ZDHHC2: variants seen among roughly 807,000 people sequenced by gnomAD.
ZDHHC2 encodes the protein zDHHC palmitoyltransferase 2.
A neutral mutation model predicts 55.6 loss-of-function variants in ZDHHC2; 51 were observed. That is an observed-to-expected ratio of 0.92 (90% CI 0.73 to 1.16). ZDHHC2 has a LOEUF of 1.16. ZDHHC2 is among the 50% of genes most tolerant of loss of function. ZDHHC2 has a pLI of 0.00. For missense variants in ZDHHC2, 491 were observed against 442.4 expected (o/e 1.11, Z -0.99); for synonymous variants, 199 against 152.9 (o/e 1.30, Z -2.22).
intron 3 of ZDHHC2, among the ~76,000 whole-genome samples, chr8:17,190,716 A>C (rs1373580052): frequency 6.6e-6 from 1 of 152,114 alleles, no homozygotes; most frequent in South Asian, 2.1e-4. Context: ...TAGTTAAAAA[A>C]AACTTGTGAG....
rs545354499 is a variant in ZDHHC2, at chr8:17,210,715, A to G, written c.950+235A>G. Among the ~76,000 whole-genome samples the G allele has an allele frequency of 8.7e-4, 133 of 152,286 alleles. 1 individual carries two copies. Among genetic ancestry groups the G allele is most frequent in the African/African-American group, 3.1e-3 (127 of 41,558 alleles). On this transcript the variant is annotated intron_variant, in intron 10 of 12. Coordinates refer to ENST00000262096, the MANE Select transcript of ZDHHC2 (RefSeq NM_016353.5). Reference sequence around the variant, plus strand: ...GTGAGTAAAAAGGTGTTAATTGTCTATACATTTTGGTTGACTGAAATATTT... The same window carrying G: ...GTGAGTAAAAAGGTGTTAATTGTCTGTACATTTTGGTTGACTGAAATATTT...
chr8:17,219,009 T>C (rs1276157071), intron 12 of ZDHHC2, among the ~76,000 whole-genome samples: 1 of 151,776 alleles, frequency 6.6e-6, no homozygotes, highest in Non-Finnish European at 1.5e-5. Flanking sequence ...CCCAGCACTT[T>C]GGGAGGCTGA....
At chr8:17,205,126 C>T (rs1300263824) in intron 6 of ZDHHC2, among the ~76,000 whole-genome samples, 4 of 152,144 alleles carry the variant, frequency 2.6e-5, no homozygotes, top group Admixed American at 1.3e-4. Context: ...GCCTTCTGAC[C>T]CAGCTGTCTA....
chr8:17,216,963 TG>T, intron 11 of ZDHHC2, among the ~76,000 whole-genome samples: 1 of 152,108 alleles, frequency 6.6e-6, no homozygotes, highest in East Asian at 1.9e-4. Context: ...TTTAGTGTTT[TG>T]TGTGTGTGGG....
chr8:17,179,568 C>T (rs138283662), intron 1 of ZDHHC2, among the ~76,000 whole-genome samples: 132 of 152,034 alleles, frequency 8.7e-4, no homozygotes, highest in Middle Eastern at 3.4e-3. Flanking sequence ...GCCACCACAC[C>T]CAGCTAAAAA....
intron 4 of ZDHHC2, 56 bp downstream of exon 4, chr8:17,195,680 A>G: frequency 6.2e-7 from 1 of 1,601,182 alleles, no homozygotes; most frequent in Non-Finnish European, 8.5e-7. Context: ...CATTAAGGTG[A>G]CTGTAAGAAA....
chr8:17,190,236 A>G (rs974244004), intron 3 of ZDHHC2, among the ~76,000 whole-genome samples: 2 of 151,834 alleles, frequency 1.3e-5, no homozygotes, highest in Non-Finnish European at 2.9e-5. Context: ...AGCCTGGGCG[A>G]CAGATCGACA....
At chr8:17,207,535 G>A (rs1471301162) in intron 7 of ZDHHC2, among the ~76,000 whole-genome samples, 2 of 152,140 alleles carry the variant, frequency 1.3e-5, no homozygotes, top group African/African-American at 2.4e-5. Flanking sequence ...TAGCCAAATT[G>A]TGCCAGTTAG....
chr8:17,156,643 G>C lies in ZDHHC2; in HGVS notation c.-81G>C. The C allele has an allele frequency of 1.8e-6, 2 of 1,100,564 alleles. No individual in the cohort carries two copies. Among genetic ancestry groups the C allele is most frequent in the Admixed American group, 5.1e-5 (1 of 19,676 alleles). The allele number at this position is 1,100,564 out of a possible 1,614,324, so 68.2% of individuals were successfully genotyped here. A position where few individuals can be genotyped will look rare whatever the true frequency, so the allele number is the denominator to read the frequency against. ...CGCCGCCCAGGAGCCCGTCCAGCCA[G>C]GGGTGCCGGGCCCGCCCAGCCCGCC... On this transcript the variant is annotated 5_prime_UTR_variant, in exon 1 of 13. Transcript: ENST00000262096.
chr8:17,210,725 G>A (rs775226985), intron 10 of ZDHHC2, among the ~76,000 whole-genome samples: 22 of 152,002 alleles, frequency 1.4e-4, no homozygotes, highest in Non-Finnish European at 2.5e-4. Flanking sequence ...ATACATTTTG[G>A]TTGACTGAAA....
At chr8:17,166,357 G>T (rs1804599527) in intron 1 of ZDHHC2, among the ~76,000 whole-genome samples, 1 of 152,150 alleles carries the variant, frequency 6.6e-6, no homozygotes, top group Non-Finnish European at 1.5e-5. Context: ...CATTGTTTTT[G>T]ACTCATACAA....
At chr8:17,207,855 A>T in intron 7 of ZDHHC2, 105 bp from the exon 8 acceptor site, 1 of 951,502 alleles carries the variant, frequency 1.1e-6, no homozygotes, top group Non-Finnish European at 1.4e-6. Flanking sequence ...TATTAAATTT[A>T]AGAAAAATTT....
At chr8:17,205,828 A>C in intron 7 of ZDHHC2, 53 bp downstream of exon 7, 2 of 1,488,602 alleles carry the variant, frequency 1.3e-6, no homozygotes, top group Non-Finnish European at 1.8e-6. Context: ...TAGATAATAT[A>C]GGCTTTTCAG....
At chr8:17,212,442 T>C (rs1807432302) in intron 10 of ZDHHC2, among the ~76,000 whole-genome samples, 1 of 152,188 alleles carries the variant, frequency 6.6e-6, no homozygotes, top group Admixed American at 6.5e-5. Context: ...GTGTTCATGC[T>C]AGAAACTGTG....
At chr8:17,211,655 T>C (rs908978912) in intron 10 of ZDHHC2, among the ~76,000 whole-genome samples, 3 of 152,164 alleles carry the variant, frequency 2.0e-5, no homozygotes, top group Non-Finnish European at 4.4e-5. Context: ...ATATTTAAAA[T>C]CCTTTTAAAT....
Position 17,220,408 on chromosome 8 carries a change from C to T in ZDHHC2, c.*187C>T, listed in dbSNP as rs1807869922. Reference sequence around the variant, plus strand: ...AATATAACATGTTTTGGATCCAATACACACATTGTTACAACTAACACAAAT... The same window carrying T: ...AATATAACATGTTTTGGATCCAATATACACATTGTTACAACTAACACAAAT... On this transcript the variant is annotated 3_prime_UTR_variant, in exon 13 of 13. Coordinates refer to ENST00000262096, the MANE Select transcript of ZDHHC2 (RefSeq NM_016353.5). 6.6e-6 allele frequency: 1 copy of T among 152,148 alleles called. No homozygotes were observed. The highest frequency in any genetic ancestry group is 2.1e-4 in the South Asian group (1 of 4,834). 9.4% of individuals were successfully genotyped at this position (152,148 alleles called of 1,614,324 possible). A position where few individuals can be genotyped will look rare whatever the true frequency, so the allele number is the denominator to read the frequency against.
At chr8:17,196,766 C>T (rs1324000471) in intron 4 of ZDHHC2, among the ~76,000 whole-genome samples, 1 of 151,650 alleles carries the variant, frequency 6.6e-6, no homozygotes, top group African/African-American at 2.4e-5. Flanking sequence ...TTAGCCTGGG[C>T]GTGGTGGCGC....
intron 1 of ZDHHC2, among the ~76,000 whole-genome samples, chr8:17,158,551 T>G (rs150966800): frequency 1.1e-4 from 17 of 152,344 alleles, no homozygotes; most frequent in African/African-American, 4.1e-4. Flanking sequence ...CAGATCTTAT[T>G]ATTGTATTGG....
At chr8:17,167,785 TAATA>T (rs1040737290) in intron 1 of ZDHHC2, among the ~76,000 whole-genome samples, 5 of 152,086 alleles carry the variant, frequency 3.3e-5, no homozygotes, top group Admixed American at 2.6e-4. Context: ...ATAATAAAAA[TAATA>T]AATAAGAACA....
Sources: allele counts gnomAD v4.1 joint callset (sites outside exome capture counted in the v4.1 genomes callset), GRCh38; gene constraint gnomAD v4.1.1; transcripts MANE v1.5; gene names NCBI Gene and HGNC (gene_info 2026-07-23, HGNC 2026-07-21).